KPNB1: variants seen among roughly 807,000 people sequenced by gnomAD.
The protein encoded by KPNB1 is karyopherin subunit beta 1.
A neutral mutation model predicts 113.0 loss-of-function variants in KPNB1; 7 were observed. The ratio of observed to expected loss-of-function variants is 0.06; its 90% CI spans 0.04 to 0.12. The LOEUF (loss-of-function observed/expected upper bound fraction) is 0.12, where lower values mean the gene tolerates loss of function less well. Ranked by LOEUF, KPNB1 falls within the 10% of genes least tolerant of loss-of-function variation. The pLI is 1.00. For missense variants in KPNB1, 400 were observed against 1,054.8 expected, an observed-to-expected ratio of 0.38 and a Z score of 8.60; for synonymous variants, 363 against 378.6, an observed-to-expected ratio of 0.96 and a Z score of 0.48.
chr17:47,659,210 G>A (rs1053269935), intron 5 of KPNB1, among the ~76,000 whole-genome samples: 2 of 152,082 alleles, frequency 1.3e-5, no homozygotes, highest in South Asian at 2.1e-4. Flanking sequence ...TTAGCCGGGT[G>A]TGGTGGCGTG....
At chr17:47,670,052 T>C (rs144817839) in intron 11 of KPNB1, among the ~76,000 whole-genome samples, 183 bp downstream of exon 11, 24 of 152,362 alleles carry the variant, frequency 1.6e-4, no homozygotes, top group East Asian at 5.8e-4. Flanking sequence ...ACTTGACTTA[T>C]GGTTACTGGT....
In KPNB1 at chr17:47,682,443, G is replaced by A. The variant is rs1205436685; in HGVS notation, c.*39G>A. The A allele has an allele frequency of 1.3e-6, 1 of 779,840 alleles. No homozygotes were observed. Among genetic ancestry groups the A allele is most frequent in the Non-Finnish European group, 2.4e-6 (1 of 418,080 alleles). 48.3% of individuals were successfully genotyped at this position (779,840 alleles called of 1,614,324 possible). A position where few individuals can be genotyped will look rare whatever the true frequency, so the allele number is the denominator to read the frequency against. ...GGATGATAACCTGAGGACCCCCACT[G>A]GAAATCTCCCATCTTTTGAAAAACC... On this transcript the variant is annotated 3_prime_UTR_variant, in exon 22 of 22. Coordinates refer to ENST00000290158, the MANE Select transcript of KPNB1 (RefSeq NM_002265.6).
At chr17:47,678,018 AT>A in intron 17 of KPNB1, 27 bp from the exon 18 acceptor site, 1 of 1,601,194 alleles carries the variant, frequency 6.2e-7, no homozygotes, top group South Asian at 1.1e-5. Flanking sequence ...TTTTGACTTA[AT>A]TCACTTTTCC....
chr17:47,650,520 G>A, intron 2 of KPNB1, 76 bp downstream of exon 2: 2 of 1,379,718 alleles, frequency 1.4e-6, no homozygotes, highest in Admixed American at 2.0e-5. Flanking sequence ...CCTCCCGGAG[G>A]CCCAGGCCTC....
At chr17:47,670,575 T>A in intron 11 of KPNB1, 127 bp from the exon 12 acceptor site, 1 of 875,098 alleles carries the variant, frequency 1.1e-6, no homozygotes, top group Non-Finnish European at 1.8e-6. Context: ...AAATGCTGTC[T>A]TGAGATGACC....
At chr17:47,660,980 G>A in intron 5 of KPNB1, 139 bp from the exon 6 acceptor site, 1 of 678,712 alleles carries the variant, frequency 1.5e-6, no homozygotes, top group South Asian at 1.6e-5. Flanking sequence ...TCTCAAGGGA[G>A]AGTGGCTTGA....
chr17:47,679,404 G>C (rs769369028), intron 19 of KPNB1, among the ~76,000 whole-genome samples: 1 of 152,046 alleles, frequency 6.6e-6, no homozygotes, highest in Non-Finnish European at 1.5e-5. Context: ...TTCCCGTTAC[G>C]TGTTCTTGTT....
chr17:47,657,567 A>G (rs2029944902), intron 4 of KPNB1, among the ~76,000 whole-genome samples: 1 of 152,212 alleles, frequency 6.6e-6, no homozygotes, highest in Non-Finnish European at 1.5e-5. Flanking sequence ...AGGAGCCCAC[A>G]GCACTTGACC....
At chr17:47,664,120 C>CAGT (rs1201704357) in intron 7 of KPNB1, 39 bp from the exon 8 acceptor site, 1 of 1,332,274 alleles carries the variant, frequency 7.5e-7, no homozygotes, top group Admixed American at 1.7e-5. Context: ...TCACTTGAAT[C>CAGT]AGTACTTATT....
chr17:47,665,019 G>A (rs1311075713), intron 8 of KPNB1, 38 bp from the exon 9 acceptor site: 3 of 1,509,828 alleles, frequency 2.0e-6, no homozygotes, highest in African/African-American at 2.7e-5. Flanking sequence ...TACAGAGCTC[G>A]GTTGCTTTTG....
chr17:47,650,474 C>T, intron 2 of KPNB1, 30 bp downstream of exon 2: 1 of 1,588,418 alleles, frequency 6.3e-7, no homozygotes, highest in Non-Finnish European at 8.6e-7. Context: ...GCCCATCCCG[C>T]CGCGTCCCCA....
At chr17:47,652,967 C>A in intron 3 of KPNB1, 91 bp downstream of exon 3, 1 of 948,378 alleles carries the variant, frequency 1.1e-6, no homozygotes, top group Non-Finnish European at 1.5e-6. Context: ...ATAGAGCTAA[C>A]AGTGTGATAG....
In KPNB1 at chr17:47,651,596, G is replaced by A. The variant is rs117708880; in HGVS notation, c.100-1098G>A. On this transcript the variant is annotated intron_variant, in intron 2 of 21. Coordinates refer to ENST00000290158, the MANE Select transcript of KPNB1 (RefSeq NM_002265.6). Reference sequence around the variant, plus strand: ...GTATAGGCTGATAATTCCATTTAGGGTATTATTCCTGTTTCTGCTTTTGCA... The same window carrying A: ...GTATAGGCTGATAATTCCATTTAGGATATTATTCCTGTTTCTGCTTTTGCA... 5.1e-3 allele frequency among the ~76,000 whole-genome samples: 781 copies of A among 152,148 alleles called. 4 individuals are homozygous for A. Among genetic ancestry groups the A allele is most frequent in the Middle Eastern group, 0.017 (5 of 292 alleles).
At chr17:47,672,172 A>AT (rs2030468969) in intron 12 of KPNB1, among the ~76,000 whole-genome samples, 1 of 151,824 alleles carries the variant, frequency 6.6e-6, no homozygotes. Flanking sequence ...TGCCTGGCTA[A>AT]TTTTTGTATT....
chr17:47,665,243 G>A (rs865783230), intron 9 of KPNB1, 85 bp downstream of exon 9: 36 of 1,000,560 alleles, frequency 3.6e-5, no homozygotes, highest in Middle Eastern at 4.6e-4. Flanking sequence ...AAGGAACTTC[G>A]CAGCCCATCA....
chr17:47,677,162 T>C (rs745599479), intron 17 of KPNB1, 35 bp downstream of exon 17: 4 of 1,445,072 alleles, frequency 2.8e-6, no homozygotes, highest in South Asian at 2.3e-5. Context: ...TAACCAGTCT[T>C]CTTTGAAGAA....
chr17:47,676,207 G>C (rs1279571821), intron 15 of KPNB1, among the ~76,000 whole-genome samples: 2 of 152,196 alleles, frequency 1.3e-5, no homozygotes, highest in African/African-American at 4.8e-5. Flanking sequence ...TGTGGCGTAT[G>C]AATTAGGGCC....
intron 8 of KPNB1, 92 bp from the exon 9 acceptor site, chr17:47,664,965 C>G: frequency 1.1e-6 from 1 of 886,406 alleles, no homozygotes; most frequent in Non-Finnish European, 1.9e-6. Flanking sequence ...GTTTCTGTTT[C>G]TGTTAAGAGA....
At chr17:47,661,051 G>T in intron 5 of KPNB1, 68 bp from the exon 6 acceptor site, 1 of 1,252,190 alleles carries the variant, frequency 8.0e-7, no homozygotes, top group South Asian at 1.2e-5. Context: ...CTTGTAGAGG[G>T]AGTCTGGAAA....
Sources: allele counts gnomAD v4.1 joint callset (sites outside exome capture counted in the v4.1 genomes callset), GRCh38; gene constraint gnomAD v4.1.1; transcripts MANE v1.5; gene names NCBI Gene and HGNC (gene_info 2026-07-23, HGNC 2026-07-21).